Variants in DYNC2I2 observed in about 807,000 individuals in gnomAD.
The protein encoded by DYNC2I2 is cytoplasmic dynein 2 intermediate chain 2.
A neutral mutation model predicts 52.0 loss-of-function variants in DYNC2I2; 39 were observed. The ratio of observed to expected loss-of-function variants is 0.75; its 90% CI spans 0.58 to 0.98. DYNC2I2 has a LOEUF of 0.98. Ranked by LOEUF, DYNC2I2 falls within the 50% of genes least tolerant of loss-of-function variation. The pLI is 0.00. For missense variants in DYNC2I2, 743 were observed against 728.4 expected, an observed-to-expected ratio of 1.02 and a Z score of -0.23; for synonymous variants, 359 against 321.1, an observed-to-expected ratio of 1.12 and a Z score of -1.26.
At chr9:128,682,075 T>G in the DYNC2I2 span, among the ~76,000 whole-genome samples, 2 of 151,602 alleles carry the variant, frequency 1.3e-5, no homozygotes, top group Non-Finnish European at 2.9e-5. Flanking sequence ...TTTTTTTTTT[T>G]TTTTTGACAG....
At chr9:128,675,248 G>A in the DYNC2I2 span, among the ~76,000 whole-genome samples, 1,452 of 152,122 alleles carry the variant, frequency 9.5e-3, 18 homozygotes, top group East Asian at 0.034. Context: ...CGCGATCTCA[G>A]CTCATTGCAA....
upstream of DYNC2I2, among the ~76,000 whole-genome samples, chr9:128,657,523 C>A (rs887886387): frequency 6.6e-6 from 1 of 152,074 alleles, no homozygotes; most frequent in Admixed American, 6.6e-5. Context: ...AACAAATAGG[C>A]CAGGTGCGGT....
Position 128,656,532 on chromosome 9 carries a change from C to T in DYNC2I2, c.186+9G>A, listed in dbSNP as rs1406921407. The T allele has an allele frequency of 1.5e-6, 2 of 1,354,464 alleles. No homozygotes were observed. Among genetic ancestry groups the T allele is most frequent in the Non-Finnish European group, 1.9e-6 (2 of 1,056,544 alleles). 83.9% of individuals were successfully genotyped at this position (1,354,464 alleles called of 1,614,324 possible). ...CCCGCGTCGCTCCGCGCGGGGCCCG[C>T]GCCCTCACCGTCTCCCAGCGGATGC... On this transcript the variant is annotated intron_variant, in intron 1 of 8. Coordinates refer to ENST00000372715, the MANE Select transcript of DYNC2I2 (RefSeq NM_052844.4).
At position 128,633,665 on chromosome 9, in the gene DYNC2I2, T is replaced by A. The variant is rs1860213206; in HGVS notation, c.*79A>T. 6.7e-7 allele frequency: 1 copy of A among 1,482,066 alleles called. No homozygotes were observed. The highest frequency in any genetic ancestry group is 2.0e-5 in the Admixed American group (1 of 50,694). 91.8% of individuals were successfully genotyped at this position (1,482,066 alleles called of 1,614,324 possible). A position where few individuals can be genotyped will look rare whatever the true frequency, so the allele number is the denominator to read the frequency against. Reference sequence around the variant, plus strand: ...AATAAATGATGACTTCCCCCAAAGCTTTGCTTTTCTTCATTTGGCTTGCGT... The same window carrying A: ...AATAAATGATGACTTCCCCCAAAGCATTGCTTTTCTTCATTTGGCTTGCGT... On this transcript the variant is annotated 3_prime_UTR_variant, in exon 9 of 9. Transcript: ENST00000372715.
intron 2 of DYNC2I2, among the ~76,000 whole-genome samples, chr9:128,640,315 G>A (rs1860489135): frequency 6.6e-6 from 1 of 152,134 alleles, no homozygotes; most frequent in Non-Finnish European, 1.5e-5. Flanking sequence ...TGGCCAAGGA[G>A]ACATTCTTAA....
At chr9:128,635,318 G>A (rs534678707) in intron 5 of DYNC2I2, 59 bp from the exon 6 acceptor site, 9 of 1,551,832 alleles carry the variant, frequency 5.8e-6, no homozygotes, top group South Asian at 2.4e-5. Flanking sequence ...CAGGTGTCAC[G>A]CTCCACCCCT....
intron 1 of DYNC2I2, among the ~76,000 whole-genome samples, chr9:128,647,302 G>C (rs911992249): frequency 6.6e-6 from 1 of 152,114 alleles, no homozygotes; most frequent in Non-Finnish European, 1.5e-5. Context: ...CTAGCAAGAG[G>C]GTAAGGCTCC....
chr9:128,668,951 C>G, the DYNC2I2 span, among the ~76,000 whole-genome samples: 3 of 151,966 alleles, frequency 2.0e-5, no homozygotes, highest in Admixed American at 2.0e-4. Flanking sequence ...TGCCATATGG[C>G]CAGGTGCAGT....
In DYNC2I2 at chr9:128,634,317, G is replaced by A. The variant is rs770587086; in HGVS notation, c.1281C>T (p.Pro427=). 2 of 1,613,468 alleles carry A rather than the reference G, an allele frequency of 1.2e-6. No homozygotes were observed. Among genetic ancestry groups the A allele is most frequent in the Middle Eastern group, 1.7e-4 (1 of 6,054 alleles). ...VHLYSMLQAP[P]LTSLQLSLKY... ...TGAGGGAGAGCTGCAGCGAAGTCAAGGGAGGGGCCTGCAGCATGGAGTACA... is the reference window on the plus strand; with the variant it reads ...TGAGGGAGAGCTGCAGCGAAGTCAAAGGAGGGGCCTGCAGCATGGAGTACA... Residue 427 remains proline (P), a synonymous_variant, in exon 8 of 9, where the codon CCC becomes CCT. Coordinates refer to ENST00000372715, the MANE Select transcript of DYNC2I2 (RefSeq NM_052844.4).
the DYNC2I2 span, among the ~76,000 whole-genome samples, chr9:128,671,166 G>C: frequency 6.6e-6 from 1 of 151,860 alleles, no homozygotes; most frequent in Admixed American, 6.6e-5. Context: ...GCTGGGCACA[G>C]TGATGAGCAC....
At chr9:128,659,727 G>A (rs1217766911), upstream of DYNC2I2, among the ~76,000 whole-genome samples, 1 of 151,754 alleles carries the variant, frequency 6.6e-6, no homozygotes, top group African/African-American at 2.4e-5. Context: ...TGACCAACAT[G>A]GTGAAACCCT....
chr9:128,638,220 C>CAAAAAA (rs570370161), intron 2 of DYNC2I2, among the ~76,000 whole-genome samples: 1 of 95,908 alleles, frequency 1.0e-5, no homozygotes, highest in South Asian at 3.3e-4. Flanking sequence ...GACCCTGTCT[C>CAAAAAA]AAAAAAAAAA....
chr9:128,683,965 C>T, the DYNC2I2 span: 2 of 1,557,128 alleles, frequency 1.3e-6, no homozygotes, highest in East Asian at 2.4e-5. Context: ...TGCTCTGGGA[C>T]CGGAGGAGAC....
In DYNC2I2 at chr9:128,656,723, C is replaced by A; in HGVS notation, c.4G>T (p.Ala2Ser). M[A>S]TRAQPGPLSQ... ...AGTGGCCCCGGCTGCGCGCGGGTTG[C>A]CATGGAGACGGTTCCGCCCTCTCGT... Residue 2 changes from alanine to serine, a missense_variant, in exon 1 of 9, where the codon GCA becomes TCA. Physicochemically the swap from Ala to Ser is moderately conservative, Grantham distance 99. Coordinates refer to ENST00000372715, the MANE Select transcript of DYNC2I2 (RefSeq NM_052844.4). 7.1e-7 allele frequency: 1 copy of A among 1,411,782 alleles called. No individual in the cohort carries two copies. The highest frequency in any genetic ancestry group is 1.6e-5 in the South Asian group (1 of 63,428). The allele number at this position is 1,411,782 out of a possible 1,614,324, so 87.5% of individuals were successfully genotyped here.
chr9:128,638,922 T>C (rs1860461795), intron 2 of DYNC2I2, among the ~76,000 whole-genome samples: 2 of 152,174 alleles, frequency 1.3e-5, no homozygotes, highest in African/African-American at 4.8e-5. Context: ...AACAAAGCTA[T>C]ACAATGGGCT....
At chr9:128,668,008 T>G in the DYNC2I2 span, among the ~76,000 whole-genome samples, 1 of 125,680 alleles carries the variant, frequency 8.0e-6, no homozygotes, top group African/African-American at 3.3e-5. Flanking sequence ...GTCACCAGGC[T>G]GGAGTGCAGT....
rs1337212860 is a variant in DYNC2I2 at position 128,636,425 on chromosome 9, C to T, written c.559G>A (p.Asp187Asn). The change falls in exon 4 of 9, where the codon GAC becomes AAC. Residue 187 changes from aspartate (D) to asparagine (N), a missense_variant. Coordinates refer to ENST00000372715, the MANE Select transcript of DYNC2I2 (RefSeq NM_052844.4). The stretch of plus-strand genomic sequence containing the variant: ...ACGAAGGACTTAAGCGTGCTCCAGT[C>T]CCCATGGTCCAGCCTGTGCAGGGAC... ...ACAYGRLDHG[D>N]WSTLKSFVCA... 4 of 1,605,418 alleles carry T rather than the reference C, an allele frequency of 2.5e-6. No individual in the cohort carries two copies. Among genetic ancestry groups the T allele is most frequent in the Non-Finnish European group, 3.4e-6 (4 of 1,178,042 alleles).
At chr9:128,670,942 C>T in the DYNC2I2 span, among the ~76,000 whole-genome samples, 1 of 151,718 alleles carries the variant, frequency 6.6e-6, no homozygotes, top group African/African-American at 2.4e-5. Context: ...TGGCACGTGC[C>T]TGTAATCCCA....
At chr9:128,645,309 A>G (rs1235320571) in intron 1 of DYNC2I2, among the ~76,000 whole-genome samples, 1 of 152,140 alleles carries the variant, frequency 6.6e-6, no homozygotes, top group Non-Finnish European at 1.5e-5. Context: ...CAGCCTGGCC[A>G]ACACAGCAAA....
Sources: allele counts gnomAD v4.1 joint callset (sites outside exome capture counted in the v4.1 genomes callset), GRCh38; gene constraint gnomAD v4.1.1; transcripts MANE v1.5; gene names NCBI Gene and HGNC (gene_info 2026-07-23, HGNC 2026-07-21).